Variants in CYRIA observed in about 807,000 individuals in gnomAD.
CYRIA encodes the protein CYFIP-related Rac1 interactor A.
Under a neutral mutation model 43.9 loss-of-function variants are expected in CYRIA, and 15 were observed. The observed-to-expected ratio is 0.34, with a 90% CI of 0.23 to 0.53. The LOEUF (loss-of-function observed/expected upper bound fraction) is 0.53. Ranked by LOEUF, CYRIA falls within the 20% of genes least tolerant of loss-of-function variation. CYRIA has a pLI of 0.94. For synonymous variants in CYRIA, 117 were observed against 136.0 expected (o/e 0.86, Z 0.97); for missense variants, 236 against 394.2 (o/e 0.60, Z 3.40).
At chr2:16,553,273 T>G (rs1204810214) in intron 11 of CYRIA, among the ~76,000 whole-genome samples, 1 of 152,166 alleles carries the variant, frequency 6.6e-6, no homozygotes, top group African/African-American at 2.4e-5. Context: ...GAGGTGGATT[T>G]CACAGGATTG....
At chr2:16,570,903 G>A (rs142798141) in intron 3 of CYRIA, among the ~76,000 whole-genome samples, 4 of 152,142 alleles carry the variant, frequency 2.6e-5, no homozygotes, top group East Asian at 1.9e-4. Context: ...ATTATTTCAC[G>A]GAAATTGAGG....
At chr2:16,609,111 C>T (rs1175665314) in intron 2 of CYRIA, among the ~76,000 whole-genome samples, 2 of 152,212 alleles carry the variant, frequency 1.3e-5, no homozygotes, top group Non-Finnish European at 2.9e-5. Flanking sequence ...CCGTGCTCCT[C>T]GCGGATTTCC....
At chr2:16,633,026 A>C (rs1669374337) in intron 1 of CYRIA, among the ~76,000 whole-genome samples, 1 of 152,178 alleles carries the variant, frequency 6.6e-6, no homozygotes, top group Non-Finnish European at 1.5e-5. Flanking sequence ...TCCCCACAGA[A>C]ACTGACTACA....
intron 3 of CYRIA, among the ~76,000 whole-genome samples, chr2:16,574,924 C>A (rs888626442): frequency 6.6e-6 from 1 of 152,174 alleles, no homozygotes; most frequent in Non-Finnish European, 1.5e-5. Context: ...GAGAAGAGGG[C>A]CACCATCCTC....
intron 1 of CYRIA, among the ~76,000 whole-genome samples, chr2:16,655,508 A>C (rs1324985627): frequency 6.6e-6 from 1 of 152,166 alleles, no homozygotes. Context: ...GGTAAGCAAA[A>C]CTGCAACAAT....
At chr2:16,575,986 C>T (rs1312338906) in intron 3 of CYRIA, among the ~76,000 whole-genome samples, 1 of 152,142 alleles carries the variant, frequency 6.6e-6, no homozygotes, top group Non-Finnish European at 1.5e-5. Flanking sequence ...TCCTCCTTGC[C>T]CTCTGTCATA....
chr2:16,568,171 G>C (rs1227147261), intron 3 of CYRIA, among the ~76,000 whole-genome samples: 3 of 144,254 alleles, frequency 2.1e-5, no homozygotes, highest in Admixed American at 1.5e-4. Context: ...TTGCATTTCA[G>C]CTTATTGGAT....
rs1460998358 is a variant in CYRIA at position 16,588,777 on chromosome 2, G to A, written c.-10-648C>T. On this transcript the variant is annotated intron_variant, in intron 2 of 11. Transcript: ENST00000381323. The stretch of plus-strand genomic sequence containing the variant: ...TCTCAGAGGAGTGGCTCCCAGGCAA[G>A]TTAGAGGATCTTGTGATCTGACATT... Among the ~76,000 whole-genome samples the A allele has an allele frequency of 2.0e-5, 3 of 152,140 alleles. No individual in the cohort carries two copies. The East Asian group carries it at 5.8e-4, about 29-fold the overall frequency.
rs887686813 is a variant in CYRIA, at chr2:16,620,082, C to T, written c.-11+3782G>A. Among the ~76,000 whole-genome samples, 42 of 152,158 alleles carry T rather than the reference C, an allele frequency of 2.8e-4. 1 individual carries two copies. Among genetic ancestry groups the T allele is most frequent in the Non-Finnish European group, 2.2e-4 (15 of 68,022 alleles). ...GATTAGAAACTCCTTGAGGTGCTGA[C>T]CTTGTCTGATTTGTCCTGATGTTCA... On this transcript the variant is annotated intron_variant, in intron 2 of 11. Transcript: ENST00000381323.
At chr2:16,636,847 G>C (rs572720613) in intron 1 of CYRIA, among the ~76,000 whole-genome samples, 1 of 152,246 alleles carries the variant, frequency 6.6e-6, no homozygotes, top group African/African-American at 2.4e-5. Flanking sequence ...ATGGTGGCAT[G>C]CGCCTGTAGT....
At chr2:16,599,982 C>T (rs1201599282) in intron 2 of CYRIA, among the ~76,000 whole-genome samples, 2 of 152,194 alleles carry the variant, frequency 1.3e-5, no homozygotes, top group Non-Finnish European at 2.9e-5. Context: ...TCTCGAACTC[C>T]TGACCTCAGG....
At chr2:16,592,427 G>A (rs1034368207) in intron 2 of CYRIA, among the ~76,000 whole-genome samples, 1 of 152,042 alleles carries the variant, frequency 6.6e-6, no homozygotes, top group Non-Finnish European at 1.5e-5. Flanking sequence ...GCATTGGAAG[G>A]TGGTCCTCCT....
In CYRIA at chr2:16,550,311, A is replaced by AC. The variant is rs72047801; in HGVS notation, c.*2624_*2625insG. 1 of 151,836 alleles carries AC rather than the reference A, an allele frequency of 6.6e-6. No homozygotes were observed. The highest frequency in any genetic ancestry group is 1.5e-5 in the Non-Finnish European group (1 of 67,972). 9.4% of individuals were successfully genotyped at this position (151,836 alleles called of 1,614,324 possible). On this transcript the variant is annotated 3_prime_UTR_variant, in exon 12 of 12. Coordinates refer to ENST00000381323, the MANE Select transcript of CYRIA (RefSeq NM_030797.4). ...AAAAACCAAAAACAAAGCCAAAAAA[A>AC]AAAAAATCCCAAACACAACAATCCA...
chr2:16,554,366 T>C (rs1227090955), intron 11 of CYRIA, among the ~76,000 whole-genome samples: 1 of 151,988 alleles, frequency 6.6e-6, no homozygotes, highest in East Asian at 1.9e-4. Context: ...GTGTCAGAGC[T>C]AAAAAAAGCA....
intron 11 of CYRIA, among the ~76,000 whole-genome samples, chr2:16,553,925 A>G (rs1350238719): frequency 6.6e-6 from 1 of 152,130 alleles, no homozygotes. Flanking sequence ...GGACACCAGG[A>G]GAAAACCTTA....
At chr2:16,554,121 A>G (rs1666416434) in intron 11 of CYRIA, among the ~76,000 whole-genome samples, 1 of 152,164 alleles carries the variant, frequency 6.6e-6, no homozygotes. Flanking sequence ...ACTTGTGATG[A>G]TTAAATGAGA....
At chr2:16,615,961 ATTC>A (rs1390179332) in intron 2 of CYRIA, among the ~76,000 whole-genome samples, 4 of 152,106 alleles carry the variant, frequency 2.6e-5, no homozygotes, top group African/African-American at 9.7e-5. Flanking sequence ...TCTTCACTCC[ATTC>A]TTCTCTTCTG....
chr2:16,647,141 G>A (rs1206610633), intron 1 of CYRIA, among the ~76,000 whole-genome samples: 1 of 152,134 alleles, frequency 6.6e-6, no homozygotes, highest in African/African-American at 2.4e-5. Flanking sequence ...TGCATACCAG[G>A]TAACAGGGGA....
intron 2 of CYRIA, among the ~76,000 whole-genome samples, chr2:16,622,464 C>T (rs77620501): frequency 1.9e-3 from 292 of 152,258 alleles, no homozygotes; most frequent in African/African-American, 6.7e-3. Context: ...GCACAAGGCT[C>T]AAATGAAATC....
Sources: allele counts gnomAD v4.1 joint callset (sites outside exome capture counted in the v4.1 genomes callset), GRCh38; gene constraint gnomAD v4.1.1; transcripts MANE v1.5; gene names NCBI Gene and HGNC (gene_info 2026-07-23, HGNC 2026-07-21).